The following CNTN5 variants were observed in gnomAD, a reference collection of about 807,000 sequenced individuals.
CNTN5 encodes contactin 5.
A neutral mutation model predicts 129.1 loss-of-function variants in CNTN5; 77 were observed. That is an observed-to-expected ratio of 0.60 (90% CI 0.50 to 0.72). The LOEUF is 0.72. Among genes scored for constraint, CNTN5 ranks in the 30% least tolerant of loss-of-function variants. CNTN5 has a pLI of 0.00. For missense variants in CNTN5, 1,478 were observed against 1,328.8 expected, an observed-to-expected ratio of 1.11 and a Z score of -1.75; for synonymous variants, 509 against 465.6, an observed-to-expected ratio of 1.09 and a Z score of -1.20.
chr11:100,105,950 T>A (rs1341367232), intron 13 of CNTN5, among the ~76,000 whole-genome samples: 1 of 152,206 alleles, frequency 6.6e-6, no homozygotes. Context: ...AGTGGAACTC[T>A]GATGCTTAAT....
intron 1 of CNTN5, among the ~76,000 whole-genome samples, chr11:99,249,343 C>T (rs563846575): frequency 1.5e-4 from 23 of 151,968 alleles, no homozygotes; most frequent in Non-Finnish European, 2.7e-4. Flanking sequence ...CTGAAGTTGC[C>T]TATCAGCTTA....
At chr11:99,504,872 G>T (rs1026143542) in intron 2 of CNTN5, among the ~76,000 whole-genome samples, 1 of 152,134 alleles carries the variant, frequency 6.6e-6, no homozygotes, top group African/African-American at 2.4e-5. Flanking sequence ...ACAACTTCTT[G>T]AGTGCAGAAA....
intron 9 of CNTN5, among the ~76,000 whole-genome samples, chr11:100,009,183 C>G (rs754866534): frequency 6.6e-6 from 1 of 152,096 alleles, no homozygotes; most frequent in African/African-American, 2.4e-5. Context: ...AAAGAAACCT[C>G]TACTTAAATC....
At chr11:99,027,698 A>G (rs1254396212) in intron 1 of CNTN5, among the ~76,000 whole-genome samples, 2 of 151,730 alleles carry the variant, frequency 1.3e-5, no homozygotes, top group African/African-American at 4.8e-5. Context: ...AAATTACCAT[A>G]GTGCAATTGA....
chr11:100,036,281 T>C (rs959253185), intron 9 of CNTN5, among the ~76,000 whole-genome samples: 1 of 152,042 alleles, frequency 6.6e-6, no homozygotes, highest in Admixed American at 6.6e-5. Context: ...TAGCTGTAGA[T>C]ATGCGGCATT....
intron 18 of CNTN5, among the ~76,000 whole-genome samples, chr11:100,286,188 C>T (rs566079748): frequency 3.9e-5 from 6 of 152,292 alleles, no homozygotes; most frequent in East Asian, 1.9e-4. Flanking sequence ...GAGGGGCGCC[C>T]GCCATTGCCC....
intron 3 of CNTN5, among the ~76,000 whole-genome samples, chr11:99,629,186 T>C (rs1339795685): frequency 1.3e-5 from 2 of 152,022 alleles, no homozygotes; most frequent in South Asian, 2.1e-4. Flanking sequence ...GTGATGATAA[T>C]TTAATTTATT....
intron 3 of CNTN5, among the ~76,000 whole-genome samples, chr11:99,734,803 C>G (rs1167305449): frequency 6.6e-6 from 1 of 151,474 alleles, no homozygotes; most frequent in Non-Finnish European, 1.5e-5. Flanking sequence ...ATACAATAGT[C>G]TCTTTAAAAG....
rs150679141 is a variant in CNTN5, at chr11:99,858,066, C to T, written c.577+12804C>T. 6.5e-3 allele frequency among the ~76,000 whole-genome samples: 988 copies of T among 152,084 alleles called. 12 individuals are homozygous for T. Among genetic ancestry groups the T allele is most frequent in the African/African-American group, 0.023 (940 of 41,504 alleles). On this transcript the variant is annotated intron_variant, in intron 6 of 24. Coordinates refer to ENST00000524871, the MANE Select transcript of CNTN5 (RefSeq NM_014361.4). ...CCAGCAAAAAAAAAGTTACCTCTTTCAGTCAGGTTTTTAAAGATCTTGTTT... is the reference window on the plus strand; with the variant it reads ...CCAGCAAAAAAAAAGTTACCTCTTTTAGTCAGGTTTTTAAAGATCTTGTTT...
chr11:100,036,270 ATAGC>A (rs752478064), intron 9 of CNTN5, among the ~76,000 whole-genome samples: 12,000 of 151,976 alleles, frequency 0.079, 459 homozygotes, highest in East Asian at 0.18. Context: ...CAAAGATCAG[ATAGC>A]TGTAGATATG....
chr11:99,678,090 ACT>A (rs1191453326), intron 3 of CNTN5, among the ~76,000 whole-genome samples: 1 of 152,090 alleles, frequency 6.6e-6, no homozygotes, highest in Non-Finnish European at 1.5e-5. Flanking sequence ...GGTACATTTG[ACT>A]CTCACAAAAT....
At chr11:99,298,850 C>T (rs1330143376) in intron 1 of CNTN5, among the ~76,000 whole-genome samples, 1 of 152,094 alleles carries the variant, frequency 6.6e-6, no homozygotes, top group Non-Finnish European at 1.5e-5. Context: ...GACATGCCAG[C>T]CCCTAGGTAA....
At chr11:100,085,360 T>C (rs1944508925) in intron 13 of CNTN5, among the ~76,000 whole-genome samples, 1 of 151,972 alleles carries the variant, frequency 6.6e-6, no homozygotes, top group African/African-American at 2.4e-5. Context: ...CAACAAAACT[T>C]CATATTTTGG....
intron 9 of CNTN5, among the ~76,000 whole-genome samples, chr11:100,058,012 CT>C (rs1363472279): frequency 6.6e-6 from 1 of 152,040 alleles, no homozygotes; most frequent in Non-Finnish European, 1.5e-5. Context: ...GCAGAGCTAC[CT>C]CTATACCCAG....
chr11:99,293,584 CT>C lies in CNTN5; in HGVS notation c.-209-31760del, dbSNP rs1864262909. 2.0e-5 allele frequency among the ~76,000 whole-genome samples: 3 copies of C among 151,986 alleles called. No individual in the cohort carries two copies. The South Asian group carries it at 6.2e-4, about 31-fold the overall frequency. Reference sequence around the variant, plus strand: ...TTTGATGGGAGAACTTTTATTACTACTTGTATCTCATTGTTCATTATAGTCT... The same window carrying C: ...TTTGATGGGAGAACTTTTATTACTACTGTATCTCATTGTTCATTATAGTCT... On this transcript the variant is annotated intron_variant, in intron 1 of 24. Coordinates refer to ENST00000524871, the MANE Select transcript of CNTN5 (RefSeq NM_014361.4).
intron 3 of CNTN5, among the ~76,000 whole-genome samples, chr11:99,608,217 T>C (rs571031729): frequency 3.1e-4 from 47 of 152,236 alleles, no homozygotes; most frequent in African/African-American, 1.1e-3. Flanking sequence ...GTTTAATAAA[T>C]ATGTGTTGTC....
chr11:100,001,117 T>G (rs527716731), intron 8 of CNTN5, among the ~76,000 whole-genome samples: 34 of 152,330 alleles, frequency 2.2e-4, no homozygotes, highest in African/African-American at 7.5e-4. Flanking sequence ...CTTATGCAAA[T>G]TTCTGCAGCC....
At chr11:99,510,712 T>C (rs371303376) in intron 2 of CNTN5, among the ~76,000 whole-genome samples, 9 of 152,184 alleles carry the variant, frequency 5.9e-5, no homozygotes, top group East Asian at 5.8e-4. Context: ...TTTATGGTGA[T>C]GCTGCTGTAA....
intron 3 of CNTN5, among the ~76,000 whole-genome samples, chr11:99,662,790 T>C (rs1173647369): frequency 6.6e-6 from 1 of 152,132 alleles, no homozygotes; most frequent in Non-Finnish European, 1.5e-5. Context: ...GCAGTACTTT[T>C]TAGAAATAAA....
Sources: gnomAD v4.1 joint callset for allele counts (sites outside exome capture counted in the v4.1 genomes callset) on GRCh38, gnomAD v4.1.1 for gene constraint, MANE v1.5 for transcripts, NCBI Gene and HGNC (gene_info 2026-07-23, HGNC 2026-07-21) for gene names.